Variants in CNOT1 observed in about 807,000 individuals in gnomAD.
CNOT1 encodes the protein CCR4-NOT transcription complex subunit 1.
In CNOT1, 15 loss-of-function variants were observed where a neutral mutation model predicts 273.8. That is an observed-to-expected ratio of 0.05 (90% CI 0.04 to 0.08). The LOEUF (loss-of-function observed/expected upper bound fraction) is 0.08. Ranked by LOEUF, CNOT1 falls within the 10% of genes least tolerant of loss-of-function variation. The probability of loss-of-function intolerance (pLI) is 1.00; values close to 1 mark genes in which losing one functional copy is unlikely to be tolerated. For synonymous variants in CNOT1, 1,022 were observed against 1,005.5 expected, an observed-to-expected ratio of 1.02 and a Z score of -0.31; for missense variants, 1,644 against 2,912.2, an observed-to-expected ratio of 0.56 and a Z score of 10.02.
intron 44 of CNOT1, chr16:58,528,193 A>G (rs1441900813): frequency 1.9e-6 from 1 of 530,402 alleles, no homozygotes. Context: ...TGACTGCCCC[A>G]ACACCTAAGC....
rs1371293416 is a variant in CNOT1, at chr16:58,520,604, A to G, written c.*354T>C. ...TGGAGCTATGCCCTCAGACAAGTGC[A>G]TGGCATCAGCTGCCTCTTCATTACA... is the stretch of plus-strand genomic sequence containing the variant. On this transcript the variant is annotated 3_prime_UTR_variant, in exon 49 of 49. Coordinates refer to ENST00000317147, the MANE Select transcript of CNOT1 (RefSeq NM_016284.5). 6 of 256,046 alleles carry G rather than the reference A, an allele frequency of 2.3e-5. No individual in the cohort carries two copies. In the East Asian group the frequency reaches 4.0e-4, roughly 17 times the overall value. The allele number at this position is 256,046 out of a possible 1,614,324, so 15.9% of individuals were successfully genotyped here.
In CNOT1 at chr16:58,522,222, A is replaced by C. The variant is rs191687990; in HGVS notation, c.6918-905T>G. Among the ~76,000 whole-genome samples the C allele has an allele frequency of 6.8e-3, 925 of 136,466 alleles. 14 individuals carry two copies. The highest frequency in any genetic ancestry group is 0.026 in the African/African-American group (889 of 34,676). 89.5% of individuals were successfully genotyped at this position (136,466 alleles called of 152,430 possible). On this transcript the variant is annotated intron_variant, in intron 47 of 48. Transcript: ENST00000317147. ...TAATCCCAGCTACTCAGGAGGCGAC[A>C]AAGCGAGACTGTCTCAAAAAAAAAA...
In CNOT1 at chr16:58,585,483, C is replaced by T; in HGVS notation, c.661G>A (p.Val221Met). The stretch of plus-strand genomic sequence containing the variant: ...GGGTATAAAAGTGGTGCGAGCACCA[C>T]GGGACAGCGTTCTTGGGGAAAATCT... ...RRDFPQERCP[V>M]VLAPLLYPEK... The change falls in exon 8 of 49, where the codon GTG (valine) becomes ATG (methionine). Residue 221 changes from valine to methionine, a missense_variant. This residue lies in a region of CNOT1 where 706 missense variants were observed against 1,021.2 expected (regional missense o/e 0.69). Transcript: ENST00000317147. The T allele has an allele frequency of 6.2e-7, 1 of 1,612,668 alleles. No homozygotes were observed. The highest frequency in any genetic ancestry group is 8.5e-7 in the Non-Finnish European group (1 of 1,179,860).
chr16:58,535,500 C>A (rs2039898474), intron 39 of CNOT1, among the ~76,000 whole-genome samples: 1 of 152,158 alleles, frequency 6.6e-6, no homozygotes, highest in African/African-American at 2.4e-5. Flanking sequence ...GCAAATAAGC[C>A]AGCAGGAAGG....
rs777111692 is a variant in CNOT1, at chr16:58,547,335, C to G, written c.3640-39G>C. On this transcript the variant is annotated intron_variant, in intron 26 of 48. Coordinates refer to ENST00000317147, the MANE Select transcript of CNOT1 (RefSeq NM_016284.5). This position sits in a 1 kb window ranked among gnomAD's most constrained non-coding sequence, Gnocchi z 4.0. ...AATACTTTCAAAAGCGGGGAATATACCCCCCAAAATGGTATAACAAAACCA... is the reference window on the plus strand; with the variant it reads ...AATACTTTCAAAAGCGGGGAATATAGCCCCCAAAATGGTATAACAAAACCA... The G allele has an allele frequency of 8.1e-6, 13 of 1,608,528 alleles. No individual in the cohort carries two copies. Among genetic ancestry groups the G allele is most frequent in the Non-Finnish European group, 1.1e-5 (13 of 1,177,554 alleles).
Position 58,525,375 on chromosome 16 carries a change from A to G in CNOT1, c.6604-16T>C. 1 of 1,610,560 alleles carries G rather than the reference A, an allele frequency of 6.2e-7. No individual in the cohort carries two copies. Among genetic ancestry groups the G allele is most frequent in the East Asian group, 2.2e-5 (1 of 44,872 alleles). Reference sequence around the variant, plus strand: ...CATTGGATACCTTAAAATGAGCAAAACAGAACTCCTTATGCTTACTCCTGC... The same window carrying G: ...CATTGGATACCTTAAAATGAGCAAAGCAGAACTCCTTATGCTTACTCCTGC... On this transcript the variant is annotated splice_polypyrimidine_tract_variant and intron_variant, in intron 45 of 48. Coordinates refer to ENST00000317147, the MANE Select transcript of CNOT1 (RefSeq NM_016284.5).
In CNOT1 at chr16:58,615,013, C is replaced by T. The variant is rs751965257; in HGVS notation, c.-175+14715G>A. 1.3e-3 allele frequency among the ~76,000 whole-genome samples: 114 copies of T among 85,848 alleles called. 32 individuals are homozygous for T. Among genetic ancestry groups the T allele is most frequent in the Non-Finnish European group, 1.9e-3 (69 of 37,228 alleles). 56.3% of individuals were successfully genotyped at this position (85,848 alleles called of 152,430 possible). A position where few individuals can be genotyped will look rare whatever the true frequency, so the allele number is the denominator to read the frequency against. The stretch of plus-strand genomic sequence containing the variant: ...ATCAGCCACAGCACTGGGCCTGTAT[C>T]CTTTGCTATTTAAAAAAAAAAAAAA... On this transcript the variant is annotated intron_variant, in intron 1 of 48. Transcript: ENST00000317147.
chr16:58,576,437 G>C, intron 14 of CNOT1, 26 bp downstream of exon 14: 1 of 1,613,530 alleles, frequency 6.2e-7, no homozygotes, highest in Middle Eastern at 1.6e-4. Context: ...AAATAAACTG[G>C]TGTCAGTCTG....
At chr16:58,535,664 T>C (rs1035120518) in intron 39 of CNOT1, among the ~76,000 whole-genome samples, 1 of 152,182 alleles carries the variant, frequency 6.6e-6, no homozygotes, top group African/African-American at 2.4e-5. Flanking sequence ...TGGATTCTTT[T>C]AGGGGAGAAA....
At chr16:58,576,984 G>C (rs1474904668) in intron 13 of CNOT1, among the ~76,000 whole-genome samples, 1 of 152,172 alleles carries the variant, frequency 6.6e-6, no homozygotes, top group African/African-American at 2.4e-5. Flanking sequence ...TTCTGATGTT[G>C]CACAGTATAG....
intron 24 of CNOT1, among the ~76,000 whole-genome samples, chr16:58,550,163 C>A (rs1277402612): frequency 1.3e-5 from 2 of 152,188 alleles, no homozygotes; most frequent in African/African-American, 4.8e-5. Flanking sequence ...AGTACCCCAT[C>A]TCCACATAAA....
intron 2 of CNOT1, among the ~76,000 whole-genome samples, chr16:58,595,117 A>C (rs2042207827): frequency 6.6e-6 from 1 of 152,078 alleles, no homozygotes; most frequent in Admixed American, 6.5e-5. Flanking sequence ...CCGTCAAAAA[A>C]AAAAACAAAA....
intron 16 of CNOT1, among the ~76,000 whole-genome samples, chr16:58,564,410 T>C (rs2040966686): frequency 6.6e-6 from 1 of 152,068 alleles, no homozygotes; most frequent in Non-Finnish European, 1.5e-5. Context: ...TACCAAGCAG[T>C]AGATGGTAAT....
At position 58,562,283 on chromosome 16, in the gene CNOT1, G is replaced by A. The variant is rs560052797; in HGVS notation, c.1980-1921C>T. 5.3e-5 allele frequency among the ~76,000 whole-genome samples: 8 copies of A among 151,544 alleles called. No homozygotes were observed. The South Asian group carries it at 1.0e-3, about 20-fold the overall frequency. On this transcript the variant is annotated intron_variant, in intron 16 of 48. Coordinates refer to ENST00000317147, the MANE Select transcript of CNOT1 (RefSeq NM_016284.5). ...GGAGGGAGGCAGTGGTGGGAGGATC[G>A]CTTGAGGAAGGAGTTTCGAGACCAG...
rs1183606106 is a variant in CNOT1, at chr16:58,574,655, G to A, written c.1933C>T (p.Pro645Ser). ...KDQPKSAQLPPETLATMLACL... is the reference protein window; with the variant it reads ...KDQPKSAQLPSETLATMLACL... ...GCCAACATTGTCGCCAAAGTTTCTGGAGGAAGTTGAGCACTTTTGGGCTGG... is the reference window on the plus strand; with the variant it reads ...GCCAACATTGTCGCCAAAGTTTCTGAAGGAAGTTGAGCACTTTTGGGCTGG... Residue 645 changes from proline (P) to serine (S), a missense_variant, in exon 16 of 49, where the codon CCA (proline) becomes TCA (serine). Coordinates refer to ENST00000317147, the MANE Select transcript of CNOT1 (RefSeq NM_016284.5). 6.2e-7 allele frequency: 1 copy of A among 1,606,536 alleles called. No individual in the cohort carries two copies. Among genetic ancestry groups the A allele is most frequent in the South Asian group, 1.1e-5 (1 of 90,052 alleles).
intron 5 of CNOT1, 27 bp from the exon 6 acceptor site, chr16:58,587,282 A>G: frequency 1.9e-6 from 3 of 1,613,772 alleles, no homozygotes; most frequent in Non-Finnish European, 2.5e-6. Flanking sequence ...TAGATTAACC[A>G]AAGAGTCAAA....
intron 24 of CNOT1, 132 bp from the exon 25 acceptor site, chr16:58,550,030 C>T: frequency 7.3e-7 from 1 of 1,364,884 alleles, no homozygotes. Context: ...GACTTTCCTT[C>T]ACACCAGATA....
rs977614551 is a variant in CNOT1, at chr16:58,587,818, G to A, written c.271C>T (p.Leu91=). Residue 91 remains leucine (L), a synonymous_variant, in exon 4 of 49, where the codon CTG becomes TTG. Coordinates refer to ENST00000317147, the MANE Select transcript of CNOT1 (RefSeq NM_016284.5). The part of the protein sequence containing the change: ...LITKPNFIST[L]SYAIDNPLHY... ...AATGGATTATCAATGGCATAGGACA[G>A]CGTCGAGATAAAATTTGGCTTTGTA... The A allele has an allele frequency of 1.9e-5, 30 of 1,613,880 alleles. No individual in the cohort carries two copies. The highest frequency in any genetic ancestry group is 2.5e-5 in the Non-Finnish European group (30 of 1,180,014).
chr16:58,522,245 A>AAAC (rs1567382164), intron 47 of CNOT1, among the ~76,000 whole-genome samples: 4 of 26,232 alleles, frequency 1.5e-4, no homozygotes, highest in African/African-American at 9.0e-4. Flanking sequence ...CTCAAAAAAA[A>AAAC]AAAAAAAAAA....
Sources: allele counts gnomAD v4.1 joint callset (sites outside exome capture counted in the v4.1 genomes callset), GRCh38; gene constraint gnomAD v4.1.1; regional missense constraint gnomAD v4.1.1; non-coding constraint Gnocchi (gnomAD v3.1); transcripts MANE v1.5; gene names NCBI Gene and HGNC (gene_info 2026-07-23, HGNC 2026-07-21).